Variants in TNKS observed in about 807,000 individuals in gnomAD.
TNKS encodes tankyrase.
A neutral mutation model predicts 135.8 loss-of-function variants in TNKS; 72 were observed. The observed-to-expected ratio is 0.53, with a 90% CI of 0.44 to 0.64. The LOEUF (loss-of-function observed/expected upper bound fraction) is 0.64, where lower values mean the gene tolerates loss of function less well. Ranked by LOEUF, TNKS falls within the 30% of genes least tolerant of loss-of-function variation. TNKS has a pLI of 0.00. For synonymous variants in TNKS, 849 were observed against 649.3 expected, an observed-to-expected ratio of 1.31 and a Z score of -4.68; for missense variants, 1,769 against 1,674.0, an observed-to-expected ratio of 1.06 and a Z score of -0.99.
chr8:9,700,715 C>T (rs1803758260), intron 5 of TNKS, among the ~76,000 whole-genome samples: 1 of 151,968 alleles, frequency 6.6e-6, no homozygotes, highest in African/African-American at 2.4e-5. Context: ...ATCAATTCTG[C>T]TTCCTAATAG....
chr8:9,769,803 T>C (rs1807710695), intron 25 of TNKS, among the ~76,000 whole-genome samples: 1 of 151,940 alleles, frequency 6.6e-6, no homozygotes. Flanking sequence ...GTATTTTTAG[T>C]AGAGACGAGG....
chr8:9,725,811 CTT>C (rs1805133352), intron 12 of TNKS, among the ~76,000 whole-genome samples: 1 of 152,144 alleles, frequency 6.6e-6, no homozygotes, highest in Non-Finnish European at 1.5e-5. Flanking sequence ...TCTTTAAAAA[CTT>C]ATTTTATTTG....
chr8:9,585,965 A>C (rs1473222449), intron 2 of TNKS, among the ~76,000 whole-genome samples: 1 of 152,188 alleles, frequency 6.6e-6, no homozygotes, highest in Non-Finnish European at 1.5e-5. Context: ...TTCAGCATTA[A>C]AATGGGAATG....
intron 8 of TNKS, among the ~76,000 whole-genome samples, chr8:9,707,658 T>A (rs1170217313): frequency 6.6e-6 from 1 of 152,152 alleles, no homozygotes; most frequent in Non-Finnish European, 1.5e-5. Flanking sequence ...TCAGCATAGT[T>A]AAAGATATAA....
At chr8:9,573,814 G>A (rs1004347949) in intron 1 of TNKS, among the ~76,000 whole-genome samples, 2 of 152,170 alleles carry the variant, frequency 1.3e-5, no homozygotes, top group Non-Finnish European at 2.9e-5. Context: ...ATGTGATTTT[G>A]CTGCCATAGA....
At chr8:9,731,919 C>A (rs1316971336) in intron 14 of TNKS, among the ~76,000 whole-genome samples, 1 of 152,136 alleles carries the variant, frequency 6.6e-6, no homozygotes, top group Non-Finnish European at 1.5e-5. Context: ...TCCCGAATAG[C>A]TGGGACTACA....
At chr8:9,675,731 T>C (rs143471034) in intron 3 of TNKS, among the ~76,000 whole-genome samples, 1 of 152,326 alleles carries the variant, frequency 6.6e-6, no homozygotes, top group East Asian at 1.9e-4. Context: ...TACATGTCTT[T>C]TTCCAGAACT....
chr8:9,745,933 T>C (rs1563205625), intron 17 of TNKS, among the ~76,000 whole-genome samples: 2 of 152,126 alleles, frequency 1.3e-5, no homozygotes, highest in Non-Finnish European at 1.5e-5. Context: ...TCTTCAAGAG[T>C]GCAGGGAAGA....
At chr8:9,633,363 C>A (rs1800371271) in intron 3 of TNKS, among the ~76,000 whole-genome samples, 1 of 152,156 alleles carries the variant, frequency 6.6e-6, no homozygotes, top group South Asian at 2.1e-4. Context: ...TACAAATACA[C>A]AATAGAGTAT....
chr8:9,717,091 A>ATATATATATATATT (rs1804647536), intron 11 of TNKS, among the ~76,000 whole-genome samples: 1 of 126,578 alleles, frequency 7.9e-6, no homozygotes, highest in Non-Finnish European at 1.7e-5. Flanking sequence ...ATATATATAT[A>ATATATATATATATT]TATATATATA....
intron 3 of TNKS, among the ~76,000 whole-genome samples, chr8:9,658,825 G>C (rs1244010027): frequency 6.6e-6 from 1 of 152,204 alleles, no homozygotes; most frequent in East Asian, 1.9e-4. Context: ...TCAGTGTGCT[G>C]TATTCAGGAA....
intron 17 of TNKS, among the ~76,000 whole-genome samples, chr8:9,744,177 C>T (rs1021030276): frequency 6.6e-6 from 1 of 151,994 alleles, no homozygotes; most frequent in Non-Finnish European, 1.5e-5. Context: ...GGTAGTGTGC[C>T]TTACTGTGTC....
chr8:9,556,912 G>T (rs1195865538), intron 1 of TNKS: 5 of 531,474 alleles, frequency 9.4e-6, no homozygotes, highest in Admixed American at 3.4e-5. Context: ...TGGTGTGCAG[G>T]AATACAGTTA....
chr8:9,674,188 G>A (rs914190727), intron 3 of TNKS, among the ~76,000 whole-genome samples: 5 of 152,144 alleles, frequency 3.3e-5, no homozygotes, highest in African/African-American at 1.2e-4. Context: ...AATACAGGAT[G>A]GAAGTTTAAG....
chr8:9,752,649 G>A, intron 20 of TNKS, 23 bp downstream of exon 20: 1 of 1,502,838 alleles, frequency 6.7e-7, no homozygotes, highest in Non-Finnish European at 9.2e-7. Context: ...GTATATATTT[G>A]AGTCATTTAA....
In TNKS at chr8:9,697,966, T is replaced by G. The variant is rs113281710; in HGVS notation, c.1108-6697T>G. ...ACATGAAGTTGTATGTTCATTGCCA[T>G]GCCATTCACAATAGCGAAGACATGG... On this transcript the variant is annotated intron_variant, in intron 5 of 26. Transcript: ENST00000310430. Among the ~76,000 whole-genome samples, 26 of 152,284 alleles carry G rather than the reference T, an allele frequency of 1.7e-4. 3 individuals are homozygous for G. The highest frequency in any genetic ancestry group is 6.3e-4 in the African/African-American group (26 of 41,550).
At chr8:9,569,378 C>T (rs1157583064) in intron 1 of TNKS, among the ~76,000 whole-genome samples, 4 of 152,184 alleles carry the variant, frequency 2.6e-5, no homozygotes, top group Non-Finnish European at 5.9e-5. Context: ...ATCTGCAATC[C>T]ATAAGCTCCT....
intron 1 of TNKS, chr8:9,557,753 CAT>C (rs1815387525): frequency 2.0e-5 from 3 of 152,038 alleles, no homozygotes; most frequent in Admixed American, 6.6e-5. Flanking sequence ...AACAGTAAAA[CAT>C]GTGTTGACCC....
intron 3 of TNKS, among the ~76,000 whole-genome samples, chr8:9,623,906 G>A (rs958071939): frequency 1.3e-5 from 2 of 152,128 alleles, no homozygotes; most frequent in African/African-American, 4.8e-5. Context: ...GGAGGGTGAG[G>A]CTGGAGAATT....
Sources: gnomAD v4.1 joint callset for allele counts (sites outside exome capture counted in the v4.1 genomes callset) on GRCh38, gnomAD v4.1.1 for gene constraint, MANE v1.5 for transcripts, NCBI Gene and HGNC (gene_info 2026-07-23, HGNC 2026-07-21) for gene names.